KPNA7: variants seen among roughly 807,000 people sequenced by gnomAD.
The protein encoded by KPNA7 is importin subunit alpha-8.
In KPNA7, 54 loss-of-function variants were observed where a neutral mutation model predicts 53.7. That is an observed-to-expected ratio of 1.01 (90% CI 0.81 to 1.26). The LOEUF (loss-of-function observed/expected upper bound fraction) is 1.26. KPNA7 is among the 50% of genes most tolerant of loss of function. The probability of loss-of-function intolerance (pLI) is 0.00; values close to 1 mark genes in which losing one functional copy is unlikely to be tolerated. For missense variants in KPNA7, 640 were observed against 644.5 expected (o/e 0.99, Z 0.07); for synonymous variants, 276 against 259.3 (o/e 1.06, Z -0.62).
Position 99,186,858 on chromosome 7 carries a change from A to G in KPNA7, c.900+1442T>C, listed in dbSNP as rs540296728. Among the ~76,000 whole-genome samples, 7 of 152,324 alleles carry G rather than the reference A, an allele frequency of 4.6e-5. No homozygotes were observed. In the South Asian group the frequency reaches 1.5e-3, roughly 32 times the overall value. On this transcript the variant is annotated intron_variant, in intron 7 of 10. Coordinates refer to ENST00000327442, the MANE Select transcript of KPNA7 (RefSeq NM_001145715.3). Reference sequence around the variant, plus strand: ...AAGTCCTATGCTAATCTCAAAATAGATGATCACTAAGGCTGCAGAATATGC... The same window carrying G: ...AAGTCCTATGCTAATCTCAAAATAGGTGATCACTAAGGCTGCAGAATATGC...
Position 99,178,771 on chromosome 7 carries a change from C to CAAAAAAAAA in KPNA7, c.1318-714_1318-706dup, listed in dbSNP as rs756807848. 5.8e-4 allele frequency among the ~76,000 whole-genome samples: 16 copies of CAAAAAAAAA among 27,708 alleles called. 1 individual carries two copies. Among genetic ancestry groups the CAAAAAAAAA allele is most frequent in the Non-Finnish European group, 7.0e-4 (11 of 15,722 alleles). The allele number at this position is 27,708 out of a possible 152,430, so 18.2% of individuals were successfully genotyped here. ...GCATTTGGCCCAAATATCTTTGTCT[C>CAAAAAAAAA]AAAAAAAAAAAAAAAAAAAAAAAAA... On this transcript the variant is annotated intron_variant, in intron 9 of 10. Coordinates refer to ENST00000327442, the MANE Select transcript of KPNA7 (RefSeq NM_001145715.3).
chr7:99,152,338 A>G, the KPNA7 span, among the ~76,000 whole-genome samples: 1 of 150,250 alleles, frequency 6.7e-6, no homozygotes, highest in African/African-American at 2.5e-5. Context: ...CTCCCGACAG[A>G]GCGAGAGAGA....
chr7:99,179,567 AT>A (rs1563066631), intron 9 of KPNA7, among the ~76,000 whole-genome samples: 1 of 150,432 alleles, frequency 6.6e-6, no homozygotes, highest in East Asian at 1.9e-4. Context: ...AAATATATAT[AT>A]ATATTTATAT....
intron 8 of KPNA7, among the ~76,000 whole-genome samples, chr7:99,184,382 C>T (rs1170001693): frequency 6.6e-6 from 1 of 152,134 alleles, no homozygotes; most frequent in African/African-American, 2.4e-5. Flanking sequence ...AGGCTGGTCT[C>T]AAACGCCTGA....
chr7:99,211,354 A>G (rs1791067231), upstream of KPNA7, among the ~76,000 whole-genome samples: 1 of 152,196 alleles, frequency 6.6e-6, no homozygotes, highest in South Asian at 2.1e-4. Context: ...TCTGGGAGGC[A>G]GAGGTTGCAG....
intron 6 of KPNA7, among the ~76,000 whole-genome samples, chr7:99,191,168 T>C (rs1399767083): frequency 1.3e-5 from 2 of 151,598 alleles, no homozygotes; most frequent in Non-Finnish European, 2.9e-5. Flanking sequence ...CAATTTTTTT[T>C]TTTTTTTTGA....
intron 9 of KPNA7, among the ~76,000 whole-genome samples, 166 bp downstream of exon 9, chr7:99,181,717 T>G (rs1263196179): frequency 2.0e-5 from 3 of 152,150 alleles, no homozygotes; most frequent in African/African-American, 7.2e-5. Flanking sequence ...CCGGCTAATT[T>G]GACGGGGTTT....
chr7:99,191,617 T>G (rs1483475976), intron 6 of KPNA7, among the ~76,000 whole-genome samples: 1 of 152,114 alleles, frequency 6.6e-6, no homozygotes, highest in Non-Finnish European at 1.5e-5. Flanking sequence ...TCATGGCTAG[T>G]CTTTTATTGG....
chr7:99,180,718 T>TCTCC (rs1799157741), intron 9 of KPNA7, among the ~76,000 whole-genome samples: 1 of 138,444 alleles, frequency 7.2e-6, no homozygotes, highest in African/African-American at 2.8e-5. Context: ...TCTCTCTCTC[T>TCTCC]CCGTCTGTGT....
At position 99,205,410 on chromosome 7, in the gene KPNA7, C is replaced by CAAAAAAAA. The variant is rs61410237; in HGVS notation, c.66+1983_66+1990dup. Among the ~76,000 whole-genome samples, 37 of 109,778 alleles carry CAAAAAAAA rather than the reference C, an allele frequency of 3.4e-4. 1 individual carries two copies. Among genetic ancestry groups the CAAAAAAAA allele is most frequent in the African/African-American group, 1.1e-3 (25 of 23,260 alleles). The allele number at this position is 109,778 out of a possible 152,430, so 72.0% of individuals were successfully genotyped here. On this transcript the variant is annotated intron_variant, in intron 2 of 10. Coordinates refer to ENST00000327442, the MANE Select transcript of KPNA7 (RefSeq NM_001145715.3). ...CTGGTGACAGAGCAAGACTCCATCT[C>CAAAAAAAA]AAAAAAAAAAAAAAAAAAAAAAAAA...
chr7:99,195,456 A>C, intron 4 of KPNA7, 118 bp from the exon 5 acceptor site: 1 of 928,884 alleles, frequency 1.1e-6, no homozygotes, highest in African/African-American at 1.7e-5. Flanking sequence ...TGGGAGACCA[A>C]GGCGGGCAGA....
the KPNA7 span, among the ~76,000 whole-genome samples, chr7:99,155,736 T>G: frequency 6.6e-6 from 1 of 151,692 alleles, no homozygotes; most frequent in African/African-American, 2.4e-5. Context: ...TTTTTTTTTT[T>G]GTATTTTTTA....
intron 6 of KPNA7, among the ~76,000 whole-genome samples, chr7:99,190,537 C>G (rs1789890393): frequency 6.6e-6 from 1 of 152,220 alleles, no homozygotes; most frequent in African/African-American, 2.4e-5. Flanking sequence ...GGGTTGAAAA[C>G]TTTTTCGGTA....
At position 99,185,181 on chromosome 7, in the gene KPNA7, A is replaced by C; in HGVS notation, c.901-19T>G. On this transcript the variant is annotated intron_variant, in intron 7 of 10. Transcript: ENST00000327442. ...AAGGAGTCTGGAAGAGCAAGGCTAG[A>C]AGTCTAAGTATTTCAAGTCTATCCC... 1 of 1,511,070 alleles carries C rather than the reference A, an allele frequency of 6.6e-7. No homozygotes were observed. Among genetic ancestry groups the C allele is most frequent in the Non-Finnish European group, 9.0e-7 (1 of 1,109,808 alleles). 93.6% of individuals were successfully genotyped at this position (1,511,070 alleles called of 1,614,324 possible).
intron 7 of KPNA7, 65 bp from the exon 8 acceptor site, chr7:99,185,227 C>G: frequency 2.6e-6 from 3 of 1,146,272 alleles, no homozygotes; most frequent in Non-Finnish European, 3.8e-6. Context: ...AACAATCACA[C>G]CAAGTTCTGT....
In KPNA7 at chr7:99,203,207, C is replaced by G. The variant is rs1279641831; in HGVS notation, c.100G>C (p.Glu34Gln). 1 of 1,551,484 alleles carries G rather than the reference C, an allele frequency of 6.4e-7. No homozygotes were observed. Among genetic ancestry groups the G allele is most frequent in the African/African-American group, 1.4e-5 (1 of 72,994 alleles). ...RRQQRMAVSLELRKAKKDEQT... is the reference protein window; with the variant it reads ...RRQQRMAVSLQLRKAKKDEQT... Reference sequence around the variant, plus strand: ...TCATCTTTCTTGGCCTTTCGGAGCTCCAGACTGACCGCCATCCTCTGCTGT... The same window carrying G: ...TCATCTTTCTTGGCCTTTCGGAGCTGCAGACTGACCGCCATCCTCTGCTGT... Residue 34 changes from glutamate to glutamine, a missense_variant, in exon 3 of 11, where the codon GAG becomes CAG. Coordinates refer to ENST00000327442, the MANE Select transcript of KPNA7 (RefSeq NM_001145715.3).
intron 6 of KPNA7, 23 bp downstream of exon 6, chr7:99,192,996 A>C (rs762861608): frequency 1.9e-5 from 27 of 1,443,272 alleles, no homozygotes; most frequent in Non-Finnish European, 2.4e-5. Context: ...AAAAAAAAAA[A>C]AGAGAAAGAA....
At chr7:99,150,707 C>T in the KPNA7 span, among the ~76,000 whole-genome samples, 1 of 152,120 alleles carries the variant, frequency 6.6e-6, no homozygotes, top group Admixed American at 6.6e-5. Flanking sequence ...TGAGCCATCG[C>T]GCCCAGCCAG....
chr7:99,166,702 G>T, the KPNA7 span, among the ~76,000 whole-genome samples: 3 of 151,820 alleles, frequency 2.0e-5, no homozygotes, highest in Admixed American at 6.6e-5. Context: ...TGACTGCAAG[G>T]TCTGCCTCCC....
Sources: allele counts gnomAD v4.1 joint callset (sites outside exome capture counted in the v4.1 genomes callset), GRCh38; gene constraint gnomAD v4.1.1; transcripts MANE v1.5; gene names NCBI Gene and HGNC (gene_info 2026-07-23, HGNC 2026-07-21).